GPRC5C: variants seen among roughly 807,000 people sequenced by gnomAD.
GPRC5C encodes G protein-coupled receptor class C group 5 member C, also known as G protein-coupled receptor family C group 5 member C.
A neutral mutation model predicts 31.4 loss-of-function variants in GPRC5C; 22 were observed. That is an observed-to-expected ratio of 0.70 (90% CI 0.50 to 1.00). The LOEUF (loss-of-function observed/expected upper bound fraction) is 1.00, where lower values mean the gene tolerates loss of function less well. Among genes scored for constraint, GPRC5C ranks in the 50% least tolerant of loss-of-function variants. The probability of loss-of-function intolerance (pLI) is 0.00; values close to 1 mark genes in which losing one functional copy is unlikely to be tolerated. For synonymous variants in GPRC5C, 249 were observed against 257.5 expected, an observed-to-expected ratio of 0.97 and a Z score of 0.32; for missense variants, 557 against 597.2, an observed-to-expected ratio of 0.93 and a Z score of 0.70.
At chr17:74,433,368 C>T (rs1598425313) in intron 1 of GPRC5C, among the ~76,000 whole-genome samples, 1 of 152,154 alleles carries the variant, frequency 6.6e-6, no homozygotes, top group African/African-American at 2.4e-5. Context: ...GGCATTTTGG[C>T]CCAAATGCCT....
chr17:74,447,108 C>A lies in GPRC5C; in HGVS notation c.*80C>A. 6.6e-7 allele frequency: 1 copy of A among 1,517,974 alleles called. No homozygotes were observed. The highest frequency in any genetic ancestry group is 8.8e-7 in the Non-Finnish European group (1 of 1,131,516). 94.0% of individuals were successfully genotyped at this position (1,517,974 alleles called of 1,614,324 possible). On this transcript the variant is annotated 3_prime_UTR_variant, in exon 4 of 4. Transcript: ENST00000392627. The stretch of plus-strand genomic sequence containing the variant: ...CCCCGGGCAAGGGACTCTCCAGGCT[C>A]CTCCTCCCCCTGGCAGGCCCAGCAA...
Position 74,447,040 on chromosome 17 carries a change from CG to C in GPRC5C, c.*13del, listed in dbSNP as rs1253174241. Reference sequence around the variant, plus strand: ...ACGTGTGGGACTGAGTCAGCGGTGGCGAGGAGAGGCGGGCGGATTTGGGGAG... The same window carrying C: ...ACGTGTGGGACTGAGTCAGCGGTGGCAGGAGAGGCGGGCGGATTTGGGGAG... On this transcript the variant is annotated 3_prime_UTR_variant, in exon 4 of 4. Coordinates refer to ENST00000392627, the MANE Select transcript of GPRC5C (RefSeq NM_022036.4). 2.5e-6 allele frequency: 4 copies of C among 1,602,004 alleles called. No homozygotes were observed. In the African/African-American group the frequency reaches 5.4e-5, roughly 21 times the overall value.
intron 3 of GPRC5C, chr17:74,445,464 T>G (rs565446649): frequency 1.8e-4 from 28 of 152,760 alleles, no homozygotes; most frequent in African/African-American, 5.3e-4. Context: ...CTGTGTAGGG[T>G]CCAGCTATGA....
At chr17:74,447,908 G>A (rs1420614754), downstream of GPRC5C, among the ~76,000 whole-genome samples, 2 of 152,274 alleles carry the variant, frequency 1.3e-5, no homozygotes, top group Non-Finnish European at 2.9e-5. Flanking sequence ...TGTGATACGT[G>A]CAAAGGAATG....
At chr17:74,449,445 C>G (rs889008852), downstream of GPRC5C, 3 of 896,762 alleles carry the variant, frequency 3.3e-6, no homozygotes, top group Non-Finnish European at 4.8e-6. Flanking sequence ...CAGCACCTTT[C>G]CCATCCTTGT....
chr17:74,447,036 G>GTGGC lies in GPRC5C; in HGVS notation c.*9_*12dup. The GTGGC allele has an allele frequency of 6.2e-7, 1 of 1,604,412 alleles. No homozygotes were observed. Among genetic ancestry groups the GTGGC allele is most frequent in the Non-Finnish European group, 8.5e-7 (1 of 1,172,064 alleles). On this transcript the variant is annotated 3_prime_UTR_variant, in exon 4 of 4. Transcript: ENST00000392627. ...CCCTACGTGTGGGACTGAGTCAGCGGTGGCGAGGAGAGGCGGGCGGATTTG... is the reference window on the plus strand; with the variant it reads ...CCCTACGTGTGGGACTGAGTCAGCGGTGGCTGGCGAGGAGAGGCGGGCGGATTTG...
In GPRC5C at chr17:74,437,912, G is replaced by A. The variant is rs564586755; in HGVS notation, c.-32-1833G>A. On this transcript the variant is annotated intron_variant, in intron 1 of 3. Coordinates refer to ENST00000392627, the MANE Select transcript of GPRC5C (RefSeq NM_022036.4). The stretch of plus-strand genomic sequence containing the variant: ...GTTTTCCCAGAGAGTTCCTGATGAA[G>A]CTGGGTTACAACTAGTTATTTGAAC... 9.2e-5 allele frequency among the ~76,000 whole-genome samples: 14 copies of A among 152,220 alleles called. 1 individual carries two copies. The South Asian group carries it at 2.9e-3, about 32-fold the overall frequency.
At position 74,446,840 on chromosome 17, in the gene GPRC5C, TC is replaced by T. The variant is rs1417290399; in HGVS notation, c.1147-7del. 6.3e-7 allele frequency: 1 copy of T among 1,599,094 alleles called. No homozygotes were observed. Among genetic ancestry groups the T allele is most frequent in the Admixed American group, 1.7e-5 (1 of 59,200 alleles). ...CCCCGACTGTGAGACCGCCTGTTCT[TC>T]CTTCCAGTCCGAAGGAGCTTACGAC... On this transcript the variant is annotated splice_region_variant and splice_polypyrimidine_tract_variant and intron_variant, in intron 3 of 3. Transcript: ENST00000392627.
rs570507237 is a variant in GPRC5C, at chr17:74,438,082, T to C, written c.-32-1663T>C. On this transcript the variant is annotated intron_variant, in intron 1 of 3. Transcript: ENST00000392627. Reference sequence around the variant, plus strand: ...AACAGTCTCGCTCTGTTGCCCAGGCTGCAGTGCAGTGGTGCAATCGCAGCT... The same window carrying C: ...AACAGTCTCGCTCTGTTGCCCAGGCCGCAGTGCAGTGGTGCAATCGCAGCT... Among the ~76,000 whole-genome samples the C allele has an allele frequency of 1.2e-3, 187 of 151,150 alleles. 1 individual carries two copies. Among genetic ancestry groups the C allele is most frequent in the African/African-American group, 4.3e-3 (176 of 41,132 alleles).
At chr17:74,449,656 G>GC (rs71361618), downstream of GPRC5C, 15 of 243,172 alleles carry the variant, frequency 6.2e-5, no homozygotes, top group South Asian at 3.2e-4. Flanking sequence ...CTCTTGACAC[G>GC]CCCCCCTCCC....
At chr17:74,433,777 G>A (rs770037679) in intron 1 of GPRC5C, 1 of 1,593,896 alleles carries the variant, frequency 6.3e-7, no homozygotes, top group Non-Finnish European at 8.6e-7. Flanking sequence ...GAGTTTGGTT[G>A]GCCCTGTGAC....
At chr17:74,436,921 T>TTTG (rs992332477) in intron 1 of GPRC5C, among the ~76,000 whole-genome samples, 5 of 152,056 alleles carry the variant, frequency 3.3e-5, no homozygotes, top group Admixed American at 1.3e-4. Flanking sequence ...CCTTCCCTTT[T>TTTG]TTGTTGTTGT....
intron 2 of GPRC5C, chr17:74,443,411 G>C: frequency 5.6e-6 from 2 of 358,616 alleles, no homozygotes; most frequent in South Asian, 4.4e-5. Flanking sequence ...CTGGCAGCTG[G>C]CCCGTGGTGA....
intron 1 of GPRC5C, among the ~76,000 whole-genome samples, chr17:74,437,240 ACC>A (rs2144410646): frequency 6.6e-6 from 1 of 152,124 alleles, no homozygotes; most frequent in African/African-American, 2.4e-5. Flanking sequence ...CCTACTCCTT[ACC>A]TCTTAGCCCT....
intron 2 of GPRC5C, 42 bp from the exon 3 acceptor site, chr17:74,443,776 A>G (rs1395887122): frequency 7.1e-7 from 1 of 1,401,766 alleles, no homozygotes; most frequent in Non-Finnish European, 1.0e-6. Flanking sequence ...AAGGGAGCTG[A>G]GAGCCCTGGG....
chr17:74,440,991 TC>T lies in GPRC5C; in HGVS notation c.1051+165del, dbSNP rs2055529833. Among the ~76,000 whole-genome samples the T allele has an allele frequency of 6.6e-6, 1 of 151,442 alleles. No homozygotes were observed. The highest frequency in any genetic ancestry group is 2.4e-5 in the African/African-American group (1 of 41,210). ...CATTTAATTTAAAGATTTTTTTTTT[TC>T]AGTTGGGCATGGTAGATCATGCCTG... is the stretch of plus-strand genomic sequence containing the variant. On this transcript the variant is annotated intron_variant, in intron 2 of 3. Transcript: ENST00000392627. The surrounding 1 kb of genome is among the most constrained non-coding windows in gnomAD (Gnocchi z 4.4).
chr17:74,441,295 A>AATAC (rs1266695800), intron 2 of GPRC5C, among the ~76,000 whole-genome samples: 3 of 152,092 alleles, frequency 2.0e-5, no homozygotes, highest in African/African-American at 7.3e-5. Flanking sequence ...TAAATAAATA[A>AATAC]GATTTTTTTT....
intron 1 of GPRC5C, among the ~76,000 whole-genome samples, chr17:74,436,345 G>A (rs1424408471): frequency 6.6e-6 from 1 of 152,080 alleles, no homozygotes. Context: ...CTTAGCTTTT[G>A]GGTGTCCCTG....
chr17:74,451,553 T>C (rs1398237537), downstream of GPRC5C: 2 of 152,184 alleles, frequency 1.3e-5, no homozygotes, highest in Non-Finnish European at 2.9e-5. Flanking sequence ...GCCAACACTA[T>C]GGGAAATCTC....
Sources: allele counts gnomAD v4.1 joint callset (sites outside exome capture counted in the v4.1 genomes callset), GRCh38; gene constraint gnomAD v4.1.1; non-coding constraint Gnocchi (gnomAD v3.1); transcripts MANE v1.5; gene names NCBI Gene and HGNC (gene_info 2026-07-23, HGNC 2026-07-21).